Variants in SYCP3 observed in about 807,000 individuals in gnomAD.
SYCP3 encodes the protein synaptonemal complex protein 3.
In SYCP3, 29 loss-of-function variants were observed where a neutral mutation model predicts 38.5. The observed-to-expected ratio is 0.75, with a 90% confidence interval of 0.56 to 1.03. The LOEUF is 1.03. Ranked by LOEUF, SYCP3 falls within the 50% of genes least tolerant of loss-of-function variation. SYCP3 has a pLI of 0.00. For synonymous variants in SYCP3, 79 were observed against 80.3 expected (o/e 0.98, Z 0.08); for missense variants, 242 against 270.7 (o/e 0.89, Z 0.74).
intron 1 of SYCP3, among the ~76,000 whole-genome samples, chr12:101,739,079 G>C (rs1271454912): frequency 6.6e-6 from 1 of 152,222 alleles, no homozygotes; most frequent in East Asian, 1.9e-4. Context: ...GCGGGCAGGA[G>C]GGAGACGCGC....
At chr12:101,735,867 A>ATTTTTTTTTTT in intron 4 of SYCP3, among the ~76,000 whole-genome samples, 1 of 63,098 alleles carries the variant, frequency 1.6e-5, no homozygotes, top group South Asian at 5.3e-4. Context: ...ATATATATAT[A>ATTTTTTTTTTT]TATATTTTTT....
intron 6 of SYCP3, chr12:101,731,984 T>C (rs1175686666): frequency 4.0e-6 from 1 of 250,790 alleles, no homozygotes; most frequent in Non-Finnish European, 7.7e-6. Flanking sequence ...CTCAATGATT[T>C]TGGCCTCTAC....
At chr12:101,731,222 AAAAC>A (rs1952177155) in intron 7 of SYCP3, among the ~76,000 whole-genome samples, 1 of 152,216 alleles carries the variant, frequency 6.6e-6, no homozygotes, top group Non-Finnish European at 1.5e-5. Context: ...TGGGGATAAA[AAAAC>A]AAGTAAAATA....
rs755740802 is a variant in SYCP3 at position 101,728,875 on chromosome 12, C to T, written c.*52G>A. ...GACTTACAATATGCTTCTTAGCTAA[C>T]GTTATAATTGTATCATATTACTTAG... On this transcript the variant is annotated 3_prime_UTR_variant, in exon 9 of 9. Coordinates refer to ENST00000392924, the MANE Select transcript of SYCP3 (RefSeq NM_001177949.2). 4 of 1,610,730 alleles carry T rather than the reference C, an allele frequency of 2.5e-6. No homozygotes were observed. Among genetic ancestry groups the T allele is most frequent in the South Asian group, 2.2e-5 (2 of 90,858 alleles).
chr12:101,735,871 A>ATATATATATATATATATATATATTT, intron 4 of SYCP3, among the ~76,000 whole-genome samples: 3 of 74,744 alleles, frequency 4.0e-5, no homozygotes, highest in East Asian at 7.7e-4. Context: ...ATATATATAT[A>ATATATATATATATATATATATATTT]TTTTTTTTTT....
intron 1 of SYCP3, 87 bp from the exon 2 acceptor site, chr12:101,738,039 C>T (rs1952529515): frequency 3.4e-6 from 5 of 1,465,474 alleles, no homozygotes; most frequent in Middle Eastern, 1.8e-4. Context: ...AAGGAGATAT[C>T]GAACAAGGAT....
chr12:101,737,092 A>C (rs779918996), intron 3 of SYCP3, 21 bp from the exon 4 acceptor site: 2 of 1,613,864 alleles, frequency 1.2e-6, no homozygotes, highest in Admixed American at 3.3e-5. Flanking sequence ...ATTACATTTT[A>C]AACACTTTAG....
chr12:101,738,035 A>T (rs1389301658), intron 1 of SYCP3, 83 bp from the exon 2 acceptor site: 1 of 1,485,764 alleles, frequency 6.7e-7, no homozygotes, highest in Non-Finnish European at 9.3e-7. Flanking sequence ...ATCAAAGGAG[A>T]TATCGAACAA....
chr12:101,735,561 T>G (rs1952372687), intron 4 of SYCP3, among the ~76,000 whole-genome samples: 1 of 151,950 alleles, frequency 6.6e-6, no homozygotes, highest in African/African-American at 2.4e-5. Flanking sequence ...CTTGGCAGAC[T>G]GAGGCAGGAG....
At chr12:101,730,425 A>T in intron 7 of SYCP3, 1 of 407,412 alleles carries the variant, frequency 2.5e-6, no homozygotes. Flanking sequence ...TGGTTCTCAG[A>T]GCATTGGAAC....
chr12:101,735,889 ACACGGGGGTCTCAC>A, intron 4 of SYCP3, among the ~76,000 whole-genome samples: 1 of 108,054 alleles, frequency 9.3e-6, no homozygotes, highest in African/African-American at 5.0e-5. Context: ...TTTTTTAAAG[ACACGGGGGTCTCAC>A]TATGTTGACC....
chr12:101,737,879 A>T lies in SYCP3; in HGVS notation c.57T>A (p.Asp19Glu), dbSNP rs375690835. ...CAAAGTCATAGGCTCTCGTAAACTGATCTTCCACAGACGGCTTCCCAGATT... is the reference window on the plus strand; with the variant it reads ...CAAAGTCATAGGCTCTCGTAAACTGTTCTTCCACAGACGGCTTCCCAGATT... ...SRKSGKPSVE[D>E]QFTRAYDFET... Residue 19 changes from aspartate to glutamate, a missense_variant, in exon 2 of 9, where the codon GAT (aspartate) becomes GAA (glutamate). Transcript: ENST00000392924. 1 of 1,614,040 alleles carries T rather than the reference A, an allele frequency of 6.2e-7. No individual in the cohort carries two copies. The highest frequency in any genetic ancestry group is 1.3e-5 in the African/African-American group (1 of 74,922).
At chr12:101,733,109 AT>A in intron 6 of SYCP3, 1 of 161,212 alleles carries the variant, frequency 6.2e-6, no homozygotes, top group Non-Finnish European at 1.4e-5. Flanking sequence ...TCCCAGAGGA[AT>A]TTTTTGCCAG....
At chr12:101,736,792 TTTC>T (rs915352484) in intron 4 of SYCP3, among the ~76,000 whole-genome samples, 1 of 152,184 alleles carries the variant, frequency 6.6e-6, no homozygotes, top group South Asian at 2.1e-4. Flanking sequence ...CCTGTGCATT[TTTC>T]TTCTAAAATT....
chr12:101,733,677 G>T lies in SYCP3; in HGVS notation c.354-3C>A, dbSNP rs772656021. The T allele has an allele frequency of 6.2e-7, 1 of 1,608,420 alleles. No homozygotes were observed. Among genetic ancestry groups the T allele is most frequent in the Admixed American group, 1.7e-5 (1 of 59,998 alleles). On this transcript the variant is annotated splice_polypyrimidine_tract_variant and splice_region_variant and intron_variant, in intron 5 of 8. Transcript: ENST00000392924. Reference sequence around the variant, plus strand: ...AATATTCTTGGTTAAGCTTCTGCCTGTAAAACATAATGATGAATTATTGTC... The same window carrying T: ...AATATTCTTGGTTAAGCTTCTGCCTTTAAAACATAATGATGAATTATTGTC...
chr12:101,728,875 C>G lies in SYCP3; in HGVS notation c.*52G>C, dbSNP rs755740802. 6.2e-7 allele frequency: 1 copy of G among 1,610,730 alleles called. No homozygotes were observed. Among genetic ancestry groups the G allele is most frequent in the Non-Finnish European group, 8.5e-7 (1 of 1,177,680 alleles). ...GACTTACAATATGCTTCTTAGCTAA[C>G]GTTATAATTGTATCATATTACTTAG... On this transcript the variant is annotated 3_prime_UTR_variant, in exon 9 of 9. Transcript: ENST00000392924.
chr12:101,730,396 C>T (rs1323893805), intron 7 of SYCP3: 2 of 380,590 alleles, frequency 5.3e-6, no homozygotes, highest in East Asian at 1.6e-4. Context: ...TTTATCAAAA[C>T]TTCACACCAA....
At chr12:101,730,241 C>A (rs866393103) in intron 7 of SYCP3, among the ~76,000 whole-genome samples, 2 of 151,996 alleles carry the variant, frequency 1.3e-5, no homozygotes, top group South Asian at 2.1e-4. Flanking sequence ...AAAGAAAGAA[C>A]CACTGCAGAA....
chr12:101,738,178 C>T (rs900455417), intron 1 of SYCP3, among the ~76,000 whole-genome samples: 3 of 151,984 alleles, frequency 2.0e-5, no homozygotes, highest in African/African-American at 7.3e-5. Context: ...AATCCCAGCA[C>T]TTTGGAAGGT....
Sources: allele counts gnomAD v4.1 joint callset (sites outside exome capture counted in the v4.1 genomes callset), GRCh38; gene constraint gnomAD v4.1.1; transcripts MANE v1.5; gene names NCBI Gene and HGNC (gene_info 2026-07-23, HGNC 2026-07-21).